TRAPPC3: variants seen among roughly 807,000 people sequenced by gnomAD.
TRAPPC3 encodes trafficking protein particle complex 3.
In TRAPPC3, 5 loss-of-function variants were observed where a neutral mutation model predicts 18.2. That is an observed-to-expected ratio of 0.28 (90% CI 0.14 to 0.58). The LOEUF is 0.58. Among genes scored for constraint, TRAPPC3 ranks in the 20% least tolerant of loss-of-function variants. The pLI is 0.91. For synonymous variants in TRAPPC3, 65 were observed against 84.2 expected (o/e 0.77, Z 1.25); for missense variants, 176 against 225.9 (o/e 0.78, Z 1.41).
upstream of TRAPPC3, among the ~76,000 whole-genome samples, chr1:36,153,409 A>G (rs1317184562): frequency 6.6e-6 from 1 of 151,618 alleles, no homozygotes; most frequent in African/African-American, 2.4e-5. Flanking sequence ...TCCTCCGCAC[A>G]CTCCCTGTGG....
At chr1:36,146,590 A>AT (rs988960174) in intron 1 of TRAPPC3, among the ~76,000 whole-genome samples, 8 of 131,050 alleles carry the variant, frequency 6.1e-5, no homozygotes, top group Admixed American at 2.4e-4. Flanking sequence ...AGCCTACTTC[A>AT]TTAAAAAAAA....
intron 1 of TRAPPC3, among the ~76,000 whole-genome samples, chr1:36,148,086 T>G (rs1331357900): frequency 6.6e-6 from 1 of 152,214 alleles, no homozygotes; most frequent in East Asian, 1.9e-4. Flanking sequence ...GATAAAGAAA[T>G]TGAAGATCAA....
intron 3 of TRAPPC3, among the ~76,000 whole-genome samples, chr1:36,139,053 G>GA (rs78929496): frequency 0.027 from 2,103 of 77,514 alleles, 44 homozygotes; most frequent in African/African-American, 0.085. Context: ...AAGAAAAAAA[G>GA]AAAAAAAAAA....
chr1:36,144,453 G>C (rs1053116022), intron 1 of TRAPPC3, among the ~76,000 whole-genome samples: 1 of 151,818 alleles, frequency 6.6e-6, no homozygotes, highest in African/African-American at 2.4e-5. Context: ...AGGAGTTTGA[G>C]ACTAGCCTAG....
intron 1 of TRAPPC3, among the ~76,000 whole-genome samples, chr1:36,144,888 T>G (rs1644168919): frequency 6.6e-6 from 1 of 152,224 alleles, no homozygotes; most frequent in Non-Finnish European, 1.5e-5. Flanking sequence ...TCCAAGTACT[T>G]CAGGCACAAC....
Position 36,137,780 on chromosome 1 carries a change from A to G in TRAPPC3, c.423+16T>C, listed in dbSNP as rs1164457100. 3 of 1,607,534 alleles carry G rather than the reference A, an allele frequency of 1.9e-6. No individual in the cohort carries two copies. Among genetic ancestry groups the G allele is most frequent in the African/African-American group, 1.3e-5 (1 of 74,676 alleles). Reference sequence around the variant, plus strand: ...TTGCATTTCGGGTGTCCCAGAAGATAAAGAGTTGCACTCACCATCTCCAAA... The same window carrying G: ...TTGCATTTCGGGTGTCCCAGAAGATGAAGAGTTGCACTCACCATCTCCAAA... On this transcript the variant is annotated intron_variant, in intron 4 of 4. Coordinates refer to ENST00000373166, the MANE Select transcript of TRAPPC3 (RefSeq NM_014408.5).
intron 1 of TRAPPC3, among the ~76,000 whole-genome samples, chr1:36,142,970 TGCA>T: frequency 6.6e-6 from 1 of 152,310 alleles, no homozygotes; most frequent in Non-Finnish European, 1.5e-5. Context: ...ATGTCAAGCC[TGCA>T]GTGAACTGTA....
intron 1 of TRAPPC3, among the ~76,000 whole-genome samples, chr1:36,141,861 G>A (rs993702342): frequency 6.7e-6 from 1 of 148,488 alleles, no homozygotes; most frequent in Non-Finnish European, 1.5e-5. Flanking sequence ...AGGAGGCTAA[G>A]GCAGGAGAAT....
chr1:36,139,698 A>AC (rs1161191803), intron 3 of TRAPPC3, 22 bp downstream of exon 3: 4 of 1,613,746 alleles, frequency 2.5e-6, no homozygotes, highest in Non-Finnish European at 3.4e-6. Flanking sequence ...TTCAGCATGG[A>AC]CAGGTGGCCC....
At chr1:36,151,932 G>A (rs972693884), upstream of TRAPPC3, among the ~76,000 whole-genome samples, 2 of 152,182 alleles carry the variant, frequency 1.3e-5, no homozygotes, top group African/African-American at 2.4e-5. Context: ...CCAGCCACAG[G>A]GAGTGGGCCC....
chr1:36,149,303 G>T lies in TRAPPC3; in HGVS notation c.42+34C>A, dbSNP rs59270393. The T allele has an allele frequency of 1.9e-4, 311 of 1,612,882 alleles. 3 individuals carry two copies. The East Asian group carries it at 6.4e-3, about 33-fold the overall frequency. On this transcript the variant is annotated intron_variant, in intron 1 of 4. Transcript: ENST00000373166. ...CCCCTTCCCTGTACGCCTCAATTTC[G>T]CCCCGCCCGCCGAGGTCACGCGCTC...
At chr1:36,146,592 TAAAAAA>T (rs58611478) in intron 1 of TRAPPC3, among the ~76,000 whole-genome samples, 4 of 83,002 alleles carry the variant, frequency 4.8e-5, no homozygotes, top group African/African-American at 2.4e-4. Flanking sequence ...CCTACTTCAT[TAAAAAA>T]AAAAAAAAAA....
upstream of TRAPPC3, among the ~76,000 whole-genome samples, chr1:36,153,370 C>T (rs1028842504): frequency 1.2e-4 from 19 of 152,166 alleles, no homozygotes; most frequent in African/African-American, 2.2e-4. Context: ...TCACGGAACA[C>T]GGGTGCTCTC....
In TRAPPC3 at chr1:36,141,702, G is replaced by A. The variant is rs184443106; in HGVS notation, c.43-1536C>T. Among the ~76,000 whole-genome samples, 231 of 151,910 alleles carry A rather than the reference G, an allele frequency of 1.5e-3. 1 individual carries two copies. Among genetic ancestry groups the A allele is most frequent in the African/African-American group, 4.9e-3 (205 of 41,416 alleles). ...AGGCTGGGCGCGGTGGCTCACGCCT[G>A]TAATCCCAGCACTTTGGAAGTCCGA... is the stretch of plus-strand genomic sequence containing the variant. On this transcript the variant is annotated intron_variant, in intron 1 of 4. Transcript: ENST00000373166.
upstream of TRAPPC3, among the ~76,000 whole-genome samples, chr1:36,150,054 A>G (rs936323058): frequency 6.6e-6 from 1 of 152,172 alleles, no homozygotes; most frequent in Non-Finnish European, 1.5e-5. Context: ...GTGATGGAAT[A>G]TCCAGTCTTT....
chr1:36,140,108 T>C lies in TRAPPC3; in HGVS notation c.101A>G (p.Tyr34Cys). Residue 34 changes from tyrosine to cysteine, a missense_variant, in exon 2 of 5, where the codon TAT becomes TGT. Coordinates refer to ENST00000373166, the MANE Select transcript of TRAPPC3 (RefSeq NM_014408.5). ...TTTATTCACATCTTCATCATTTTCA[T>C]AGTCCTTACATAGCTGGGTGACCAG... ...GALVTQLCKD[Y>C]ENDEDVNKQL... 9 of 1,605,554 alleles carry C rather than the reference T, an allele frequency of 5.6e-6. No individual in the cohort carries two copies. Among genetic ancestry groups the C allele is most frequent in the Middle Eastern group, 1.7e-4 (1 of 6,004 alleles).
chr1:36,148,056 A>T (rs1345707606), intron 1 of TRAPPC3, among the ~76,000 whole-genome samples: 1 of 152,236 alleles, frequency 6.6e-6, no homozygotes, highest in Non-Finnish European at 1.5e-5. Context: ...TTAGGTAGAC[A>T]TTACTATCCC....
chr1:36,151,533 C>G (rs566882121), upstream of TRAPPC3, among the ~76,000 whole-genome samples: 1 of 152,064 alleles, frequency 6.6e-6, no homozygotes, highest in Non-Finnish European at 1.5e-5. Context: ...ATTGCTTGAG[C>G]CCAGGAGGTG....
At chr1:36,138,357 C>T (rs1211474934) in intron 3 of TRAPPC3, 1 of 1,149,346 alleles carries the variant, frequency 8.7e-7, no homozygotes, top group African/African-American at 1.5e-5. Flanking sequence ...CTTCTCTGTC[C>T]TCTGTCTGTG....
Sources: gnomAD v4.1 joint callset for allele counts (sites outside exome capture counted in the v4.1 genomes callset) on GRCh38, gnomAD v4.1.1 for gene constraint, MANE v1.5 for transcripts, NCBI Gene and HGNC (gene_info 2026-07-23, HGNC 2026-07-21) for gene names.